MAN2B1: variants seen among roughly 807,000 people sequenced by gnomAD.
MAN2B1 encodes the protein mannosidase alpha class 2B member 1.
In MAN2B1, 99 loss-of-function variants were observed where a neutral mutation model predicts 127.5. The observed-to-expected ratio is 0.78, with a 90% confidence interval of 0.66 to 0.92. The LOEUF is 0.92. Among genes scored for constraint, MAN2B1 ranks in the 40% least tolerant of loss-of-function variants. The probability of loss-of-function intolerance (pLI) is 0.00; values close to 1 mark genes in which losing one functional copy is unlikely to be tolerated. For missense variants in MAN2B1, 1,304 were observed against 1,384.8 expected (o/e 0.94, Z 0.93); for synonymous variants, 573 against 568.8 (o/e 1.01, Z -0.11).
intron 4 of MAN2B1, 68 bp from the exon 5 acceptor site, chr19:12,663,903 G>A: frequency 6.3e-7 from 1 of 1,590,034 alleles, no homozygotes; most frequent in Non-Finnish European, 8.6e-7. Flanking sequence ...ACTCCCCTCT[G>A]CTTGGGAGGG....
chr19:12,663,611 T>A (rs1437206375), intron 5 of MAN2B1, 92 bp downstream of exon 5: 11 of 1,544,700 alleles, frequency 7.1e-6, no homozygotes. Context: ...CTATAGGAAT[T>A]CCAGGACAGT....
rs2024015718 is a variant in MAN2B1 at position 12,658,127 on chromosome 19, C to T, written c.1245G>A (p.Leu415=). ...TGGCCGCCAGGCCCACCAGCGCCTCCAGCTGGTTGCACACCTGGAGGCAGA... is the reference window on the plus strand; with the variant it reads ...TGGCCGCCAGGCCCACCAGCGCCTCTAGCTGGTTGCACACCTGGAGGCAGA... ...SYNFLQVCNQ[L]EALVGLAANV... Residue 415 remains leucine (L), a synonymous_variant, in exon 10 of 24, where the codon CTG becomes CTA. Transcript: ENST00000456935. 6.2e-7 allele frequency: 1 copy of T among 1,613,498 alleles called. No homozygotes were observed. The highest frequency in any genetic ancestry group is 1.7e-5 in the Admixed American group (1 of 60,002).
In MAN2B1 at chr19:12,657,020, A is replaced by C. The variant is rs1221950880; in HGVS notation, c.1456T>G (p.Phe486Val). 6.2e-7 allele frequency: 1 copy of C among 1,613,260 alleles called. No individual in the cohort carries two copies. Among genetic ancestry groups the C allele is most frequent in the East Asian group, 2.2e-5 (1 of 44,856 alleles). Residue 486 changes from phenylalanine to valine, a missense_variant, in exon 12 of 24, where the codon TTC (phenylalanine) becomes GTC (valine). By Grantham distance (50) the Phe-to-Val change is conservative (BLOSUM62 -1). Transcript: ENST00000456935. The part of the protein sequence containing the change: ...LSNALARLRG[F>V]KDHFTFCQQL... ...TGGCAAAAGGTGAAGTGATCTTTGA[A>C]GCCTCTGAGCCGCGCCAGCGCGTTG...
chr19:12,666,497 G>C, intron 1 of MAN2B1, 46 bp downstream of exon 1: 1 of 1,555,418 alleles, frequency 6.4e-7, no homozygotes, highest in Non-Finnish European at 8.7e-7. Context: ...TGTATTCTGG[G>C]TTTCACTCTG....
chr19:12,646,856 A>G, intron 23 of MAN2B1, 124 bp from the exon 24 acceptor site: 1 of 716,618 alleles, frequency 1.4e-6, no homozygotes, highest in Non-Finnish European at 2.5e-6. Flanking sequence ...CAGGGCCTCA[A>G]TCCCAGACTC....
chr19:12,656,456 G>T (rs2023960183), intron 13 of MAN2B1, 115 bp downstream of exon 13: 4 of 750,030 alleles, frequency 5.3e-6, no homozygotes, highest in Non-Finnish European at 9.7e-6. Context: ...GAGGGGGGAA[G>T]AGATATGCAT....
Position 12,665,690 on chromosome 19 carries a change from A to G in MAN2B1, c.262+13T>C, listed in dbSNP as rs1250330037. ...ATGGGGATCCCAGGGACCAGTCCCC[A>G]TCCTCTACTCACTTCCATAAAAGTA... On this transcript the variant is annotated intron_variant, in intron 2 of 23. Transcript: ENST00000456935. 1 of 1,612,242 alleles carries G rather than the reference A, an allele frequency of 6.2e-7. No homozygotes were observed. Among genetic ancestry groups the G allele is most frequent in the Admixed American group, 1.7e-5 (1 of 60,026 alleles).
rs1233219838 is a variant in MAN2B1, at chr19:12,666,572, C to A, written c.130G>T (p.Ala44Ser). ...PLCFFLLLLAAAGARAGGYET... is the reference protein window; with the variant it reads ...PLCFFLLLLASAGARAGGYET... ...TATCCCCCGGCCCGAGCACCGGCAG[C>A]CGCCAGCAACAAAAGGAAAAAGCAG... Residue 44 changes from alanine to serine, a missense_variant, in exon 1 of 24, where the codon GCT becomes TCT. Ala to Ser is a moderately conservative substitution (Grantham distance 99). Transcript: ENST00000456935. The A allele has an allele frequency of 6.3e-7, 1 of 1,586,914 alleles. No homozygotes were observed. The highest frequency in any genetic ancestry group is 8.6e-7 in the Non-Finnish European group (1 of 1,167,034).
At position 12,655,831 on chromosome 19, in the gene MAN2B1, G is replaced by T. The variant is rs769847219; in HGVS notation, c.1693C>A (p.Leu565Met). The change falls in exon 14 of 24, where the codon CTG (leucine) becomes ATG (methionine). Residue 565 changes from leucine (L) to methionine (M), a missense_variant. Physicochemically the swap from Leu to Met is conservative, Grantham distance 15 (BLOSUM62 2). Coordinates refer to ENST00000456935, the MANE Select transcript of MAN2B1 (RefSeq NM_000528.4). Reference protein sequence around the residue: ...SDSQAHPPELLFSASLPALGF... With the variant: ...SDSQAHPPELMFSASLPALGF... ...AGGGCGGGCAGTGAGGCTGAGAACA[G>T]CAGCTCCGGAGGGTGCGCCTGGCTG... is the stretch of plus-strand genomic sequence containing the variant. The T allele has an allele frequency of 2.5e-6, 4 of 1,613,866 alleles. No individual in the cohort carries two copies. The Admixed American group carries it at 5.0e-5, about 20-fold the overall frequency.
At chr19:12,656,168 G>A in intron 13 of MAN2B1, 1 of 460,440 alleles carries the variant, frequency 2.2e-6, no homozygotes, top group Non-Finnish European at 3.9e-6. Context: ...GAGGTTTGGG[G>A]GAGGACGTTT....
chr19:12,663,267 C>T (rs1419293043), intron 6 of MAN2B1, 50 bp downstream of exon 6: 1 of 1,605,950 alleles, frequency 6.2e-7, no homozygotes, highest in South Asian at 1.1e-5. Context: ...ATGGAAAGAG[C>T]TCATTGTATT....
Position 12,650,148 on chromosome 19 carries a change from C to T in MAN2B1, c.2121G>A (p.Gln707=), listed in dbSNP as rs2023808256. 4 of 1,614,124 alleles carry T rather than the reference C, an allele frequency of 2.5e-6. No homozygotes were observed. The highest frequency in any genetic ancestry group is 3.4e-6 in the Non-Finnish European group (4 of 1,180,032). Residue 707 remains glutamine, a synonymous_variant, in exon 17 of 24, where the codon CAG becomes CAA. Transcript: ENST00000456935. ...CCGACCACTCTAGCTCCAGGTGCCG[C>T]TGTCCTGGGTACAGGCGAACCACCT... ...CSQVVRLYPG[Q]RHLELEWSVG... is the part of the protein sequence containing the mutation.
rs755486144 is a variant in MAN2B1, at chr19:12,657,526, C to G, written c.1339G>C (p.Asp447His). ...TGGCGGGAGGTGCCGCTGACGGCGT[C>G]GTGATGCTGGAGCACAGCCATCGCC... ...NEAMAVLQHH[D>H]AVSGTSRQHV... Residue 447 changes from aspartate (D) to histidine (H), a missense_variant, in exon 11 of 24, where the codon GAC becomes CAC. Transcript: ENST00000456935. 6 of 1,565,830 alleles carry G rather than the reference C, an allele frequency of 3.8e-6. No individual in the cohort carries two copies. In the South Asian group the frequency reaches 5.9e-5, roughly 15 times the overall value.
chr19:12,652,252 A>G lies in MAN2B1; in HGVS notation c.1947T>C (p.Gly649=). The change falls in exon 16 of 24, where the codon GGT becomes GGC. Residue 649 remains glycine, a synonymous_variant. Coordinates refer to ENST00000456935, the MANE Select transcript of MAN2B1 (RefSeq NM_000528.4). ...QTFFWYNASI[G]DNESDQASGA... The stretch of plus-strand genomic sequence containing the variant: ...CTGAGGCCTGGTCACTTTCGTTGTC[A>G]CCTATACTGGCGTTGTACCTGGAGT... 6.2e-7 allele frequency: 1 copy of G among 1,614,036 alleles called. No homozygotes were observed. Among genetic ancestry groups the G allele is most frequent in the Non-Finnish European group, 8.5e-7 (1 of 1,180,002 alleles).
In MAN2B1 at chr19:12,665,697, A is replaced by G; in HGVS notation, c.262+6T>C. On this transcript the variant is annotated splice_donor_region_variant and intron_variant, in intron 2 of 23. Transcript: ENST00000456935. Reference sequence around the variant, plus strand: ...TCCCAGGGACCAGTCCCCATCCTCTACTCACTTCCATAAAAGTACTGGTCC... The same window carrying G: ...TCCCAGGGACCAGTCCCCATCCTCTGCTCACTTCCATAAAAGTACTGGTCC... The G allele has an allele frequency of 6.2e-7, 1 of 1,613,242 alleles. No individual in the cohort carries two copies. Among genetic ancestry groups the G allele is most frequent in the Non-Finnish European group, 8.5e-7 (1 of 1,179,200 alleles).
chr19:12,655,154 G>A (rs948355548), intron 14 of MAN2B1, among the ~76,000 whole-genome samples: 4 of 152,150 alleles, frequency 2.6e-5, no homozygotes, highest in African/African-American at 9.7e-5. Flanking sequence ...AAAGAGCTAG[G>A]AGTAGACACA....
intron 20 of MAN2B1, 138 bp downstream of exon 20, chr19:12,648,998 A>T: frequency 1.3e-6 from 1 of 746,224 alleles, no homozygotes; most frequent in Non-Finnish European, 2.3e-6. Flanking sequence ...TCCGTCTCAA[A>T]GAGAAGAAAA....
intron 16 of MAN2B1, among the ~76,000 whole-genome samples, chr19:12,651,799 T>C (rs1568300095): frequency 6.6e-6 from 1 of 152,168 alleles, no homozygotes; most frequent in Non-Finnish European, 1.5e-5. Flanking sequence ...AAGCTCCTCT[T>C]ACTACAGACT....
chr19:12,660,081 G>A (rs1321104109), intron 7 of MAN2B1, among the ~76,000 whole-genome samples: 1 of 152,120 alleles, frequency 6.6e-6, no homozygotes, highest in Non-Finnish European at 1.5e-5. Context: ...ACACATCTGT[G>A]TTGGGTAAAA....
Sources: allele counts gnomAD v4.1 joint callset (sites outside exome capture counted in the v4.1 genomes callset), GRCh38; gene constraint gnomAD v4.1.1; transcripts MANE v1.5; gene names NCBI Gene and HGNC (gene_info 2026-07-23, HGNC 2026-07-21).